The following NTN1 variants were observed in gnomAD, a reference collection of about 807,000 sequenced individuals.
NTN1 encodes netrin-1.
NTN1 carries 11 observed loss-of-function variants against 54.2 expected under a neutral mutation model. The ratio of observed to expected loss-of-function variants is 0.20; its 90% CI spans 0.13 to 0.34. The LOEUF (loss-of-function observed/expected upper bound fraction) is 0.34. Among genes scored for constraint, NTN1 ranks in the 10% least tolerant of loss-of-function variants. The pLI, the probability that NTN1 is intolerant of heterozygous loss-of-function variation, is 1.00. For synonymous variants in NTN1, 371 were observed against 382.0 expected (o/e 0.97, Z 0.33); for missense variants, 740 against 893.1 (o/e 0.83, Z 2.18).
At chr17:9,090,165 C>A (rs2092105069) in intron 2 of NTN1, among the ~76,000 whole-genome samples, 2 of 143,802 alleles carry the variant, frequency 1.4e-5, no homozygotes, top group South Asian at 4.4e-4. Flanking sequence ...CCAAACTCAT[C>A]TTTTTTTTTT....
upstream of NTN1, among the ~76,000 whole-genome samples, chr17:9,016,865 C>T (rs2091833071): frequency 6.6e-6 from 1 of 152,226 alleles, no homozygotes; most frequent in African/African-American, 2.4e-5. Context: ...GCATGTGTGT[C>T]TCATGGCCTT....
In NTN1 at chr17:9,212,095, C is replaced by CT. The variant is rs1905119477; in HGVS notation, c.1412-9071dup. Among the ~76,000 whole-genome samples the CT allele has an allele frequency of 6.6e-6, 1 of 152,166 alleles. No individual in the cohort carries two copies. Among genetic ancestry groups the CT allele is most frequent in the South Asian group, 2.1e-4 (1 of 4,828 alleles). The stretch of plus-strand genomic sequence containing the variant: ...CATTTTGCTTTTGAGGCAGGTAGGG[C>CT]TTGAGGGTGATGGATTGGGTCAGCG... On this transcript the variant is annotated intron_variant, in intron 5 of 6. Transcript: ENST00000173229. This position sits in a 1 kb window ranked among gnomAD's most constrained non-coding sequence, Gnocchi z 5.5.
the NTN1 span, among the ~76,000 whole-genome samples, chr17:9,013,755 A>C: frequency 1.3e-5 from 2 of 152,082 alleles, no homozygotes; most frequent in South Asian, 4.1e-4. Context: ...GCTGAGCCCC[A>C]ACTCTGGCTC....
intron 2 of NTN1, among the ~76,000 whole-genome samples, chr17:9,111,710 A>G (rs747693428): frequency 1.3e-5 from 2 of 152,248 alleles, no homozygotes; most frequent in Non-Finnish European, 2.9e-5. Context: ...TGTATTATAT[A>G]CTGTATTCTT....
At chr17:9,145,405 ATTCTG>A (rs1216661482) in intron 2 of NTN1, among the ~76,000 whole-genome samples, 1 of 152,222 alleles carries the variant, frequency 6.6e-6, no homozygotes, top group Non-Finnish European at 1.5e-5. Flanking sequence ...AAATAGATCT[ATTCTG>A]GTCACAAAAC....
chr17:9,202,424 T>C (rs1015148257), intron 5 of NTN1, among the ~76,000 whole-genome samples: 1 of 152,212 alleles, frequency 6.6e-6, no homozygotes, highest in Non-Finnish European at 1.5e-5. Context: ...GCTGTGTTTC[T>C]GCTAGCACCT....
At chr17:9,116,203 G>A (rs2092211602) in intron 2 of NTN1, among the ~76,000 whole-genome samples, 1 of 152,204 alleles carries the variant, frequency 6.6e-6, no homozygotes, top group African/African-American at 2.4e-5. Context: ...AACATTCCAC[G>A]GGGGTGGCAG....
At chr17:9,117,494 G>A (rs982645439) in intron 2 of NTN1, among the ~76,000 whole-genome samples, 3 of 152,096 alleles carry the variant, frequency 2.0e-5, no homozygotes, top group Non-Finnish European at 2.9e-5. Flanking sequence ...GGTGGCTCAC[G>A]CAGTAGTTTG....
intron 2 of NTN1, among the ~76,000 whole-genome samples, chr17:9,093,619 C>T (rs572469314): frequency 1.6e-3 from 238 of 152,334 alleles, no homozygotes; most frequent in African/African-American, 5.2e-3. Context: ...CGCAGCCTCT[C>T]AAAGTGTAGG....
intron 2 of NTN1, among the ~76,000 whole-genome samples, chr17:9,087,642 C>G (rs2092094132): frequency 2.0e-5 from 3 of 152,166 alleles, no homozygotes; most frequent in Admixed American, 2.0e-4. Context: ...CTTAGACATC[C>G]TCAGAGCTCC....
chr17:9,039,811 T>G (rs192718841), intron 2 of NTN1, among the ~76,000 whole-genome samples: 1 of 152,258 alleles, frequency 6.6e-6, no homozygotes, highest in South Asian at 2.1e-4. Context: ...TCATGTTAAG[T>G]GCATTAATAG....
chr17:9,061,143 C>G (rs2091996922), intron 2 of NTN1, among the ~76,000 whole-genome samples: 1 of 152,142 alleles, frequency 6.6e-6, no homozygotes, highest in Admixed American at 6.5e-5. Flanking sequence ...ATAGAGCATT[C>G]TGATCCAACC....
At chr17:9,013,006 G>A in the NTN1 span, among the ~76,000 whole-genome samples, 1 of 152,030 alleles carries the variant, frequency 6.6e-6, no homozygotes, top group Non-Finnish European at 1.5e-5. Context: ...CATTCTAGGA[G>A]CCATTTTTTG....
chr17:9,073,066 G>A (rs762709774), intron 2 of NTN1, among the ~76,000 whole-genome samples: 5 of 152,248 alleles, frequency 3.3e-5, no homozygotes, highest in Non-Finnish European at 7.3e-5. Context: ...GGACCGTCTG[G>A]CTGGTAGGCC....
chr17:9,205,499 C>T (rs1370121380), intron 5 of NTN1, among the ~76,000 whole-genome samples: 1 of 152,236 alleles, frequency 6.6e-6, no homozygotes, highest in Non-Finnish European at 1.5e-5. Flanking sequence ...TGGTTGTGTG[C>T]ACCTGTAGTC....
At chr17:9,216,965 C>A (rs1410406003) in intron 5 of NTN1, among the ~76,000 whole-genome samples, 2 of 151,926 alleles carry the variant, frequency 1.3e-5, no homozygotes, top group Non-Finnish European at 2.9e-5. Flanking sequence ...TCGCTTGAAC[C>A]CAGGAAGCGA....
intron 5 of NTN1, among the ~76,000 whole-genome samples, chr17:9,216,166 C>T (rs1905213753): frequency 6.6e-6 from 1 of 152,222 alleles, no homozygotes; most frequent in South Asian, 2.1e-4. Context: ...CAGCATTGCC[C>T]AGGCTGGTCT....
At position 9,135,926 on chromosome 17, in the gene NTN1, G is replaced by A. The variant is rs773264092; in HGVS notation, c.1019-26887G>A. On this transcript the variant is annotated intron_variant, in intron 2 of 6. Transcript: ENST00000173229. This position sits in a 1 kb window ranked among gnomAD's most constrained non-coding sequence, Gnocchi z 4.4. The stretch of plus-strand genomic sequence containing the variant: ...CAGCATGAACACTGCCACCCCAAAC[G>A]TGTCTGTGTGCGCACGCTCACTCAT... 5.3e-5 allele frequency among the ~76,000 whole-genome samples: 8 copies of A among 152,134 alleles called. No individual in the cohort carries two copies. The highest frequency in any genetic ancestry group is 1.0e-4 in the Non-Finnish European group (7 of 68,030).
intron 2 of NTN1, among the ~76,000 whole-genome samples, chr17:9,106,251 C>G (rs573854666): frequency 1.3e-5 from 2 of 152,314 alleles, no homozygotes; most frequent in Non-Finnish European, 2.9e-5. Flanking sequence ...GTACCTGACT[C>G]TTGGCACTCA....
Sources: gnomAD v4.1 joint callset for allele counts (sites outside exome capture counted in the v4.1 genomes callset) on GRCh38, gnomAD v4.1.1 for gene constraint, Gnocchi (gnomAD v3.1) non-coding constraint, MANE v1.5 for transcripts, NCBI Gene and HGNC (gene_info 2026-07-23, HGNC 2026-07-21) for gene names.